The following FGF14 variants were observed in gnomAD, a reference collection of about 807,000 sequenced individuals.
The protein encoded by FGF14 is fibroblast growth factor homologous factor 4.
A neutral mutation model predicts 25.5 loss-of-function variants in FGF14; 5 were observed. The observed-to-expected ratio is 0.20, with a 90% CI of 0.10 to 0.41. The LOEUF (loss-of-function observed/expected upper bound fraction) is 0.41. Ranked by LOEUF, FGF14 falls within the 10% of genes least tolerant of loss-of-function variation. The pLI, the probability that FGF14 is intolerant of heterozygous loss-of-function variation, is 1.00. For synonymous variants in FGF14, 138 were observed against 118.3 expected (o/e 1.17, Z -1.08); for missense variants, 222 against 320.1 (o/e 0.69, Z 2.34).
At chr13:102,005,202 A>G (rs987169219) in intron 1 of FGF14, among the ~76,000 whole-genome samples, 1 of 152,188 alleles carries the variant, frequency 6.6e-6, no homozygotes, top group African/African-American at 2.4e-5. Context: ...CCTGTTTTCC[A>G]CAGAAAGGAC....
chr13:102,366,618 C>CAAAAA (rs57953786), intron 1 of FGF14: 15 of 46,758 alleles, frequency 3.2e-4, no homozygotes, highest in African/African-American at 3.6e-4. Flanking sequence ...ATTCTCCTTG[C>CAAAAA]AAAAAAAAAA....
chr13:102,381,728 G>A (rs1263725617), intron 1 of FGF14, among the ~76,000 whole-genome samples: 1 of 152,158 alleles, frequency 6.6e-6, no homozygotes, highest in Non-Finnish European at 1.5e-5. Context: ...AAGTAGGCAT[G>A]CATTGTTAGA....
intron 1 of FGF14, among the ~76,000 whole-genome samples, chr13:102,259,316 G>A (rs2052600449): frequency 1.3e-5 from 2 of 152,134 alleles, no homozygotes; most frequent in South Asian, 2.1e-4. Flanking sequence ...CTCCCTTTGT[G>A]AGCACATCCC....
chr13:101,783,317 A>G lies in FGF14; in HGVS notation c.409-56507T>C, dbSNP rs372044142. ...AAACCCTGTTTCTACTAAAAATACA[A>G]AAATTAGCTGGGTGTGGTGGCACAT... is the stretch of plus-strand genomic sequence containing the variant. On this transcript the variant is annotated intron_variant, in intron 3 of 4. Transcript: ENST00000376143. 2.6e-4 allele frequency among the ~76,000 whole-genome samples: 40 copies of G among 152,240 alleles called. No individual in the cohort carries two copies. In the Middle Eastern group the frequency reaches 0.01, roughly 39 times the overall value.
At chr13:102,199,396 T>G (rs1451131917) in intron 1 of FGF14, among the ~76,000 whole-genome samples, 1 of 152,190 alleles carries the variant, frequency 6.6e-6, no homozygotes, top group Non-Finnish European at 1.5e-5. Flanking sequence ...AGGTGGTGAG[T>G]TGGTGAGTTA....
intron 3 of FGF14, among the ~76,000 whole-genome samples, chr13:101,727,370 G>C (rs2035510523): frequency 6.6e-6 from 1 of 152,102 alleles, no homozygotes; most frequent in African/African-American, 2.4e-5. Context: ...AACCAGATGA[G>C]GTTAGGTGTC....
chr13:101,928,182 C>T (rs1310018048), intron 1 of FGF14, among the ~76,000 whole-genome samples: 2 of 152,034 alleles, frequency 1.3e-5, no homozygotes, highest in Admixed American at 6.6e-5. Flanking sequence ...ATTTTCCTAA[C>T]ATTTTAATAA....
chr13:102,137,014 A>G (rs1439358603), intron 1 of FGF14, among the ~76,000 whole-genome samples: 6 of 152,202 alleles, frequency 3.9e-5, no homozygotes, highest in Non-Finnish European at 8.8e-5. Context: ...AAACTAGGCC[A>G]TACTGCTCTT....
intron 1 of FGF14, among the ~76,000 whole-genome samples, chr13:102,277,573 G>A (rs752650467): frequency 6.6e-6 from 1 of 152,220 alleles, no homozygotes; most frequent in Non-Finnish European, 1.5e-5. Flanking sequence ...CGGGAGGCCA[G>A]CCCTGGGCTC....
intron 1 of FGF14, among the ~76,000 whole-genome samples, chr13:102,345,167 T>C (rs1385572226): frequency 6.6e-6 from 1 of 152,206 alleles, no homozygotes; most frequent in Non-Finnish European, 1.5e-5. Context: ...TCTACCTACT[T>C]ACTCAGGTAT....
Position 101,916,446 on chromosome 13 carries a change from C to T in FGF14, c.193+7G>A. ...GGGCGCATCTCCCGACCATGACCCC[C>T]ACAGACCTTGGCGCCGCAACCTGCG... On this transcript the variant is annotated splice_region_variant and intron_variant, in intron 1 of 4. Transcript: ENST00000376143. 1 of 1,613,946 alleles carries T rather than the reference C, an allele frequency of 6.2e-7. No individual in the cohort carries two copies.
Position 101,714,304 on chromosome 13 carries a change from C to T in FGF14, c.*8527G>A. ...TAAGTAAAGCTCCCCTCTGAGAAAC[C>T]AGCCATTCAATACACTTTTACCTTT... is the stretch of plus-strand genomic sequence containing the variant. On this transcript the variant is annotated 3_prime_UTR_variant, in exon 5 of 5. Coordinates refer to ENST00000376143, the MANE Select transcript of FGF14 (RefSeq NM_004115.4). 1.5e-6 allele frequency: 1 copy of T among 661,204 alleles called. No homozygotes were observed. Among genetic ancestry groups the T allele is most frequent in the Middle Eastern group, 4.1e-4 (1 of 2,466 alleles). The allele number at this position is 661,204 out of a possible 1,614,324, so 41.0% of individuals were successfully genotyped here.
intron 1 of FGF14, among the ~76,000 whole-genome samples, chr13:102,146,217 A>G (rs1253162971): frequency 6.6e-6 from 1 of 152,210 alleles, no homozygotes; most frequent in East Asian, 1.9e-4. Flanking sequence ...TACACGCAGT[A>G]CATGTTACCT....
In FGF14 at chr13:101,875,684, A is replaced by T. The variant is rs1203540029; in HGVS notation, c.194-388T>A. On this transcript the variant is annotated intron_variant, in intron 1 of 4. Transcript: ENST00000376143. ...GGTGACTCTCAGAAATTTTATTAAA[A>T]GGTTTTTTAATGGAGTTCTCCTTTT... is the stretch of plus-strand genomic sequence containing the variant. Among the ~76,000 whole-genome samples the T allele has an allele frequency of 2.0e-5, 3 of 152,144 alleles. No homozygotes were observed. In the East Asian group the frequency reaches 5.8e-4, roughly 29 times the overall value.
At chr13:102,216,975 G>A (rs1467375714) in intron 1 of FGF14, among the ~76,000 whole-genome samples, 7 of 152,092 alleles carry the variant, frequency 4.6e-5, no homozygotes, top group East Asian at 1.9e-4. Context: ...ATGTTGCCAC[G>A]AATGACAGGA....
chr13:102,399,884 T>C (rs990344706), intron 1 of FGF14, among the ~76,000 whole-genome samples: 1 of 152,084 alleles, frequency 6.6e-6, no homozygotes, highest in Non-Finnish European at 1.5e-5. Flanking sequence ...CAGAGGCTAC[T>C]ACCAGAGCCT....
At chr13:102,049,365 G>A (rs561478757) in intron 1 of FGF14, among the ~76,000 whole-genome samples, 2 of 152,184 alleles carry the variant, frequency 1.3e-5, no homozygotes, top group South Asian at 4.2e-4. Context: ...TTCCAGGACT[G>A]AGCACCCAGT....
chr13:102,031,264 A>C (rs865898827), intron 1 of FGF14, among the ~76,000 whole-genome samples: 1 of 152,132 alleles, frequency 6.6e-6, no homozygotes, highest in African/African-American at 2.4e-5. Context: ...TTTTTGTTGT[A>C]AAAATGAAAT....
chr13:102,380,498 T>C (rs760425760), intron 1 of FGF14, among the ~76,000 whole-genome samples: 6 of 152,190 alleles, frequency 3.9e-5, no homozygotes, highest in Non-Finnish European at 7.3e-5. Flanking sequence ...ACCCTGAGAA[T>C]GTCTAGCTAC....
Sources: gnomAD v4.1 joint callset for allele counts (sites outside exome capture counted in the v4.1 genomes callset) on GRCh38, gnomAD v4.1.1 for gene constraint, MANE v1.5 for transcripts, NCBI Gene and HGNC (gene_info 2026-07-23, HGNC 2026-07-21) for gene names.